The following ROBO2 variants were observed in gnomAD, a reference collection of about 807,000 sequenced individuals.
ROBO2 encodes roundabout homolog 2.
Under a neutral mutation model 160.8 loss-of-function variants are expected in ROBO2, and 53 were observed. The ratio of observed to expected loss-of-function variants is 0.33; its 90% CI spans 0.26 to 0.41. The LOEUF is 0.41. Ranked by LOEUF, ROBO2 falls within the 10% of genes least tolerant of loss-of-function variation. The pLI, the probability that ROBO2 is intolerant of heterozygous loss-of-function variation, is 1.00. For missense variants in ROBO2, 1,577 were observed against 1,722.4 expected (o/e 0.92, Z 1.49); for synonymous variants, 664 against 611.7 (o/e 1.09, Z -1.26).
At chr3:77,645,651 T>A (rs1314825185) in intron 25 of ROBO2, among the ~76,000 whole-genome samples, 1 of 152,196 alleles carries the variant, frequency 6.6e-6, no homozygotes, top group African/African-American at 2.4e-5. Flanking sequence ...GAAGATTCTG[T>A]GAGATGATGA....
At chr3:77,518,687 T>G (rs950279276) in intron 5 of ROBO2, among the ~76,000 whole-genome samples, 1 of 151,482 alleles carries the variant, frequency 6.6e-6, no homozygotes, top group African/African-American at 2.4e-5. Context: ...TGCGTAGATA[T>G]GTCATCAGCA....
At chr3:76,069,191 A>G (rs371007346) in intron 2 of ROBO2, among the ~76,000 whole-genome samples, 1 of 152,196 alleles carries the variant, frequency 6.6e-6, no homozygotes, top group African/African-American at 2.4e-5. Context: ...TTGAAATCTA[A>G]TAAGTAACTC....
chr3:76,494,698 A>G (rs1461328730), intron 2 of ROBO2, among the ~76,000 whole-genome samples: 2 of 152,200 alleles, frequency 1.3e-5, no homozygotes, highest in Non-Finnish European at 2.9e-5. Flanking sequence ...TCTTTATGCC[A>G]AACTGGCAGA....
intron 2 of ROBO2, among the ~76,000 whole-genome samples, chr3:76,559,709 A>G (rs900799198): frequency 6.6e-6 from 1 of 152,158 alleles, no homozygotes; most frequent in Admixed American, 6.6e-5. Context: ...TTGGCTCCTG[A>G]GATTTGCTTC....
intron 2 of ROBO2, among the ~76,000 whole-genome samples, chr3:76,469,460 T>C (rs1397106383): frequency 6.6e-6 from 1 of 152,072 alleles, no homozygotes; most frequent in East Asian, 1.9e-4. Context: ...TTCCACATCC[T>C]ATTAGAATAA....
chr3:76,365,872 G>A (rs2075786448), intron 2 of ROBO2, among the ~76,000 whole-genome samples: 1 of 151,996 alleles, frequency 6.6e-6, no homozygotes, highest in Non-Finnish European at 1.5e-5. Flanking sequence ...GAGCCAAAGT[G>A]TTCTTTTCAA....
intron 2 of ROBO2, among the ~76,000 whole-genome samples, chr3:77,455,342 T>C (rs1196762897): frequency 3.3e-5 from 5 of 152,132 alleles, no homozygotes; most frequent in Non-Finnish European, 5.9e-5. Flanking sequence ...GAAACAAATA[T>C]GGAAAAATTA....
intron 2 of ROBO2, among the ~76,000 whole-genome samples, chr3:76,465,369 G>A (rs2078304798): frequency 6.6e-6 from 1 of 152,018 alleles, no homozygotes; most frequent in Admixed American, 6.6e-5. Context: ...TGAAAAAATA[G>A]TGGGTAATAA....
intron 1 of ROBO2, among the ~76,000 whole-genome samples, chr3:77,064,177 TA>T (rs2066603527): frequency 6.6e-6 from 1 of 152,166 alleles, no homozygotes; most frequent in Non-Finnish European, 1.5e-5. Flanking sequence ...AAAATTACCT[TA>T]AAAATGTATT....
At chr3:77,175,347 C>T (rs538700883) in intron 2 of ROBO2, among the ~76,000 whole-genome samples, 21 of 151,782 alleles carry the variant, frequency 1.4e-4, no homozygotes, top group Admixed American at 3.9e-4. Context: ...TGGGTTTTTT[C>T]GGGGTTTTAT....
At chr3:76,538,230 A>C (rs1367848626) in intron 2 of ROBO2, among the ~76,000 whole-genome samples, 1 of 152,062 alleles carries the variant, frequency 6.6e-6, no homozygotes, top group Admixed American at 6.5e-5. Context: ...AGAAAATGGA[A>C]AAATAAAGAT....
At chr3:77,273,879 A>G (rs1242191875) in intron 2 of ROBO2, among the ~76,000 whole-genome samples, 1 of 152,176 alleles carries the variant, frequency 6.6e-6, no homozygotes, top group Admixed American at 6.6e-5. Context: ...AGACTCATCC[A>G]ATCTTTTCTA....
intron 2 of ROBO2, among the ~76,000 whole-genome samples, chr3:77,339,746 C>T (rs1168665210): frequency 1.3e-5 from 2 of 151,432 alleles, no homozygotes; most frequent in Admixed American, 1.3e-4. Context: ...TGGCTTTAGG[C>T]ATTATAATAT....
intron 16 of ROBO2, among the ~76,000 whole-genome samples, chr3:77,584,479 A>T (rs1464844625): frequency 6.6e-6 from 1 of 152,022 alleles, no homozygotes; most frequent in African/African-American, 2.4e-5. Context: ...ATTTTTTTCT[A>T]TTTATTTGCT....
chr3:77,141,283 G>GC (rs149819210), intron 2 of ROBO2, among the ~76,000 whole-genome samples: 2,335 of 146,896 alleles, frequency 0.016, 38 homozygotes, highest in African/African-American at 0.041. Context: ...TACATATAAA[G>GC]CCCCCCCCCC....
intron 23 of ROBO2, chr3:77,633,302 TGA>T (rs2095204689): frequency 6.6e-6 from 1 of 152,206 alleles, no homozygotes; most frequent in African/African-American, 2.4e-5. Flanking sequence ...TTTTGATTTC[TGA>T]GAGTGATAAG....
At chr3:76,042,002 G>A (rs1314349548) in intron 2 of ROBO2, among the ~76,000 whole-genome samples, 2 of 137,474 alleles carry the variant, frequency 1.5e-5, no homozygotes, top group African/African-American at 5.7e-5. Context: ...GAGGGAGAGC[G>A]AGAGCAAGAG....
chr3:76,079,976 A>G (rs1480597810), intron 2 of ROBO2, among the ~76,000 whole-genome samples: 3 of 152,246 alleles, frequency 2.0e-5, no homozygotes, highest in Admixed American at 6.5e-5. Context: ...CAAATATTTT[A>G]TAGCAGGAAT....
intron 1 of ROBO2, among the ~76,000 whole-genome samples, chr3:75,907,391 C>CT (rs1176773453): frequency 6.6e-6 from 1 of 152,008 alleles, no homozygotes; most frequent in Non-Finnish European, 1.5e-5. Flanking sequence ...ACCTTGGTCT[C>CT]TAAGTTTGGG....
Sources: allele counts gnomAD v4.1 joint callset (sites outside exome capture counted in the v4.1 genomes callset), GRCh38; gene constraint gnomAD v4.1.1; transcripts MANE v1.5; gene names NCBI Gene and HGNC (gene_info 2026-07-23, HGNC 2026-07-21).